The following EPS15L1 variants were observed in gnomAD, a reference collection of about 807,000 sequenced individuals.
EPS15L1 encodes the protein epidermal growth factor receptor pathway substrate 15 like 1.
In EPS15L1, 43 loss-of-function variants were observed where a neutral mutation model predicts 117.1. That is an observed-to-expected ratio of 0.37 (90% CI 0.29 to 0.47). The LOEUF (loss-of-function observed/expected upper bound fraction) is 0.47, where lower values mean the gene tolerates loss of function less well. Ranked by LOEUF, EPS15L1 falls within the 20% of genes least tolerant of loss-of-function variation. The pLI, the probability that EPS15L1 is intolerant of heterozygous loss-of-function variation, is 0.99. For synonymous variants in EPS15L1, 459 were observed against 470.5 expected, an observed-to-expected ratio of 0.98 and a Z score of 0.32; for missense variants, 981 against 1,164.0, an observed-to-expected ratio of 0.84 and a Z score of 2.29.
chr19:16,431,816 A>G (rs1045892973), intron 7 of EPS15L1, among the ~76,000 whole-genome samples: 1 of 152,214 alleles, frequency 6.6e-6, no homozygotes, highest in Non-Finnish European at 1.5e-5. Context: ...CCCACACTAC[A>G]ACTATTATGT....
rs73509190 is a variant in EPS15L1 at position 16,401,364 on chromosome 19, T to C, written c.1791+957A>G. ...GAACATAAAGAGGCAAGTGTGGTGT[T>C]TAGAGAGCACGAGCGCTCACTCTTA... On this transcript the variant is annotated intron_variant, in intron 16 of 23. Transcript: ENST00000455140. 259 of 985,322 alleles carry C rather than the reference T, an allele frequency of 2.6e-4. No homozygotes were observed. The African/African-American group carries it at 4.2e-3, about 16-fold the overall frequency. 61.0% of individuals were successfully genotyped at this position (985,322 alleles called of 1,614,324 possible).
rs528433846 is a variant in EPS15L1 at position 16,434,549 on chromosome 19, C to G, written c.373-59G>C. ...GAGCACACCTGTGTGAATGTCCAGA[C>G]CGAGCTCTGACCGAAAGCCAAGTGA... On this transcript the variant is annotated intron_variant, in intron 6 of 23. Coordinates refer to ENST00000455140, the MANE Select transcript of EPS15L1 (RefSeq NM_001258374.3). The G allele has an allele frequency of 1.4e-4, 223 of 1,564,284 alleles. No individual in the cohort carries two copies. The African/African-American group carries it at 2.8e-3, about 20-fold the overall frequency.
chr19:16,377,312 T>C, intron 21 of EPS15L1, 58 bp from the exon 22 acceptor site: 10 of 1,598,998 alleles, frequency 6.3e-6, no homozygotes, highest in Non-Finnish European at 8.5e-6. Context: ...AGGTGACGGA[T>C]GTCCACTGAA....
chr19:16,392,156 G>A (rs1288345942), intron 19 of EPS15L1, 148 bp downstream of exon 19: 2 of 856,324 alleles, frequency 2.3e-6, no homozygotes, highest in African/African-American at 1.7e-5. Context: ...ATCAGCCTGG[G>A]ATACCAGCTC....
At chr19:16,432,306 C>T (rs959280715) in intron 7 of EPS15L1, among the ~76,000 whole-genome samples, 19 of 152,112 alleles carry the variant, frequency 1.2e-4, no homozygotes, top group Admixed American at 1.3e-4. Context: ...TGGTGGCTCA[C>T]ACCTGCAATC....
chr19:16,447,357 A>T (rs973818706), intron 1 of EPS15L1, among the ~76,000 whole-genome samples: 5 of 152,248 alleles, frequency 3.3e-5, no homozygotes, highest in African/African-American at 1.2e-4. Context: ...AGCTTTTCCA[A>T]ATCACAAGGA....
At chr19:16,439,803 C>A (rs1315432519) in intron 4 of EPS15L1, among the ~76,000 whole-genome samples, 1 of 152,130 alleles carries the variant, frequency 6.6e-6, no homozygotes, top group East Asian at 1.9e-4. Flanking sequence ...AGTCATGGCA[C>A]AGCACAAACA....
At chr19:16,384,436 G>A (rs2092397613) in intron 21 of EPS15L1, among the ~76,000 whole-genome samples, 1 of 152,244 alleles carries the variant, frequency 6.6e-6, no homozygotes, top group Non-Finnish European at 1.5e-5. Context: ...GGCTTCTATT[G>A]TTGTTTTTTG....
At position 16,393,950 on chromosome 19, in the gene EPS15L1, C is replaced by A. The variant is rs775530047; in HGVS notation, c.1966+1G>T. On this transcript the variant is annotated splice_donor_variant, in intron 18 of 23. Transcript: ENST00000455140. LOFTEE classifies it high-confidence loss of function. ...CCGGTCCGGGAAACACTGAATTTTA[C>A]CTGTTGAAGTTGTCTGCTGTTCTGC... is the stretch of plus-strand genomic sequence containing the variant. 1 of 1,614,016 alleles carries A rather than the reference C, an allele frequency of 6.2e-7. No homozygotes were observed.
At chr19:16,390,577 A>G (rs1194739633) in intron 19 of EPS15L1, among the ~76,000 whole-genome samples, 1 of 152,224 alleles carries the variant, frequency 6.6e-6, no homozygotes, top group East Asian at 1.9e-4. Flanking sequence ...TGGTTTGTTC[A>G]CCAACATAGG....
chr19:16,375,113 A>G (rs2092277799), intron 22 of EPS15L1, among the ~76,000 whole-genome samples: 1 of 152,222 alleles, frequency 6.6e-6, no homozygotes, highest in African/African-American at 2.4e-5. Flanking sequence ...TGACAAGAGA[A>G]TATGCACACA....
At chr19:16,429,620 C>T (rs146590932) in intron 7 of EPS15L1, among the ~76,000 whole-genome samples, 122 of 152,320 alleles carry the variant, frequency 8.0e-4, no homozygotes, top group African/African-American at 2.3e-3. Context: ...CAGTCTTGTC[C>T]CTATGGCTAC....
At chr19:16,393,386 G>A (rs974986156) in intron 18 of EPS15L1, among the ~76,000 whole-genome samples, 2 of 151,804 alleles carry the variant, frequency 1.3e-5, no homozygotes, top group African/African-American at 4.8e-5. Context: ...GGTGGCTCAC[G>A]CCTGTCATCC....
intron 18 of EPS15L1, 106 bp from the exon 19 acceptor site, chr19:16,392,546 G>T: frequency 8.8e-7 from 1 of 1,139,262 alleles, no homozygotes; most frequent in Non-Finnish European, 1.3e-6. Flanking sequence ...TTCTAGAAAG[G>T]TAAGAACGCT....
At chr19:16,456,204 C>G (rs201248785) in intron 1 of EPS15L1, among the ~76,000 whole-genome samples, 1 of 147,216 alleles carries the variant, frequency 6.8e-6, no homozygotes, top group African/African-American at 2.5e-5. Flanking sequence ...CTGTCTCAAA[C>G]AAACAAACAA....
intron 1 of EPS15L1, among the ~76,000 whole-genome samples, chr19:16,459,557 A>AGTAGCAGTGAG (rs2145170757): frequency 6.6e-6 from 1 of 152,290 alleles, no homozygotes; most frequent in East Asian, 1.9e-4. Flanking sequence ...TCTGTGGCTC[A>AGTAGCAGTGAG]GTAGCAGTGA....
intron 4 of EPS15L1, chr19:16,440,507 C>T (rs2093020786): frequency 6.0e-6 from 1 of 165,650 alleles, no homozygotes; most frequent in Admixed American, 6.3e-5. Context: ...GACACCATCA[C>T]TGGGGAGAGC....
At chr19:16,361,576 A>C in intron 23 of EPS15L1, 1 of 1,327,012 alleles carries the variant, frequency 7.5e-7, no homozygotes, top group African/African-American at 1.5e-5. Context: ...GAGCATCCAA[A>C]CTGCGGCTCT....
chr19:16,421,511 A>G, intron 9 of EPS15L1, 35 bp from the exon 10 acceptor site: 1 of 1,592,546 alleles, frequency 6.3e-7, no homozygotes, highest in East Asian at 2.3e-5. Flanking sequence ...TTAATCTGGA[A>G]GCTTTTTATG....
Sources: allele counts gnomAD v4.1 joint callset (sites outside exome capture counted in the v4.1 genomes callset), GRCh38; gene constraint gnomAD v4.1.1; transcripts MANE v1.5; gene names NCBI Gene and HGNC (gene_info 2026-07-23, HGNC 2026-07-21).